The following GRM1 variants were observed in gnomAD, a reference collection of about 807,000 sequenced individuals.
The protein encoded by GRM1 is glutamate metabotropic receptor 1.
Under a neutral mutation model 90.9 loss-of-function variants are expected in GRM1, and 33 were observed. The ratio of observed to expected loss-of-function variants is 0.36; its 90% CI spans 0.28 to 0.49. The LOEUF (loss-of-function observed/expected upper bound fraction) is 0.49. Ranked by LOEUF, GRM1 falls within the 20% of genes least tolerant of loss-of-function variation. GRM1 has a pLI of 0.99. For missense variants in GRM1, 1,190 were observed against 1,534.3 expected (o/e 0.78, Z 3.75); for synonymous variants, 700 against 613.2 (o/e 1.14, Z -2.09).
intron 1 of GRM1, among the ~76,000 whole-genome samples, chr6:146,121,490 G>A (rs1775988252): frequency 6.6e-6 from 1 of 151,970 alleles, no homozygotes; most frequent in African/African-American, 2.4e-5. Flanking sequence ...TTTTGAATGT[G>A]TTTGCTCTTG....
chr6:146,205,530 T>C (rs1779465571), intron 2 of GRM1, among the ~76,000 whole-genome samples: 1 of 152,098 alleles, frequency 6.6e-6, no homozygotes, highest in South Asian at 2.1e-4. Context: ...TGGTGAATTA[T>C]TATGCGGAAA....
At chr6:146,041,907 C>A (rs371197253) in intron 1 of GRM1, among the ~76,000 whole-genome samples, 1 of 151,916 alleles carries the variant, frequency 6.6e-6, no homozygotes, top group African/African-American at 2.4e-5. Context: ...GAGAAACTGG[C>A]ATGTCCAAGA....
At chr6:146,075,397 C>T (rs1399460651) in intron 1 of GRM1, among the ~76,000 whole-genome samples, 1 of 152,164 alleles carries the variant, frequency 6.6e-6, no homozygotes, top group Non-Finnish European at 1.5e-5. Context: ...AGCTGATATT[C>T]TCCTGGAAAA....
At chr6:146,301,324 T>TA (rs1330175985) in intron 2 of GRM1, among the ~76,000 whole-genome samples, 1 of 152,190 alleles carries the variant, frequency 6.6e-6, no homozygotes, top group Non-Finnish European at 1.5e-5. Flanking sequence ...CCATGTGACT[T>TA]AAAATTTCTA....
intron 1 of GRM1, among the ~76,000 whole-genome samples, chr6:146,118,604 G>A (rs538808732): frequency 4.6e-5 from 7 of 152,126 alleles, no homozygotes; most frequent in Non-Finnish European, 8.8e-5. Context: ...CTCCCACCCT[G>A]CAACAGGCCC....
chr6:146,047,960 C>T (rs1260977676), intron 1 of GRM1, among the ~76,000 whole-genome samples: 1 of 152,000 alleles, frequency 6.6e-6, no homozygotes, highest in East Asian at 1.9e-4. Flanking sequence ...AGCAAGATCA[C>T]TCCTTATGTC....
At chr6:146,053,842 T>C (rs928325721) in intron 1 of GRM1, among the ~76,000 whole-genome samples, 1 of 152,060 alleles carries the variant, frequency 6.6e-6, no homozygotes, top group Admixed American at 6.6e-5. Flanking sequence ...ATTATTAGTA[T>C]ATGAATGTGC....
intron 2 of GRM1, among the ~76,000 whole-genome samples, chr6:146,278,948 G>T (rs747205411): frequency 6.6e-6 from 1 of 152,008 alleles, no homozygotes; most frequent in Non-Finnish European, 1.5e-5. Context: ...CTCCTAATCC[G>T]CCCGCCTCGG....
In GRM1 at chr6:146,284,540, G is replaced by A. The variant is rs76191605; in HGVS notation, c.951-20071G>A. Reference sequence around the variant, plus strand: ...GGCTCTGTGTCCCCACCCAAATCTCGCCTGGTATTGTAATCCCCATGTGTT... The same window carrying A: ...GGCTCTGTGTCCCCACCCAAATCTCACCTGGTATTGTAATCCCCATGTGTT... On this transcript the variant is annotated intron_variant, in intron 2 of 7. Coordinates refer to ENST00000282753, the MANE Select transcript of GRM1 (RefSeq NM_001278064.2). Among the ~76,000 whole-genome samples the A allele has an allele frequency of 7.2e-5, 11 of 152,144 alleles. No homozygotes were observed. In the East Asian group the frequency reaches 1.9e-3, roughly 27 times the overall value.
intron 2 of GRM1, among the ~76,000 whole-genome samples, chr6:146,268,179 G>A (rs1043944336): frequency 1.3e-4 from 19 of 151,958 alleles, no homozygotes; most frequent in Non-Finnish European, 2.5e-4. Context: ...CAAGATTTTT[G>A]TTTTTACTTA....
At chr6:146,100,058 A>G (rs1331884974) in intron 1 of GRM1, among the ~76,000 whole-genome samples, 6 of 152,056 alleles carry the variant, frequency 3.9e-5, no homozygotes, top group Non-Finnish European at 5.9e-5. Flanking sequence ...TTTTTTCCCA[A>G]TCTTAAGAGT....
intron 5 of GRM1, among the ~76,000 whole-genome samples, chr6:146,383,583 CA>C (rs1776397058): frequency 6.6e-6 from 1 of 152,042 alleles, no homozygotes. Context: ...ACTCTACTTT[CA>C]AAAGTTATCT....
chr6:146,431,959 T>A (rs763601567), intron 7 of GRM1, among the ~76,000 whole-genome samples: 8 of 152,228 alleles, frequency 5.3e-5, no homozygotes, highest in Non-Finnish European at 1.2e-4. Context: ...GAAGAGCAAC[T>A]GTGGATTCTG....
At chr6:146,331,914 G>C (rs1055684021) in intron 3 of GRM1, among the ~76,000 whole-genome samples, 1 of 152,128 alleles carries the variant, frequency 6.6e-6, no homozygotes, top group Non-Finnish European at 1.5e-5. Context: ...TTGGCCTTCG[G>C]AGTGAAACTA....
intron 5 of GRM1, among the ~76,000 whole-genome samples, chr6:146,362,479 A>C (rs1440937677): frequency 6.6e-6 from 1 of 152,024 alleles, no homozygotes; most frequent in Non-Finnish European, 1.5e-5. Flanking sequence ...GGAGATCGAG[A>C]CAATCCTGGC....
chr6:146,244,027 C>G (rs1200065521), intron 2 of GRM1, among the ~76,000 whole-genome samples: 2 of 152,096 alleles, frequency 1.3e-5, no homozygotes, highest in Non-Finnish European at 2.9e-5. Context: ...GGCAGCCAGA[C>G]CTAATGGTTA....
intron 7 of GRM1, among the ~76,000 whole-genome samples, chr6:146,427,178 G>T (rs141654204): frequency 3.9e-5 from 6 of 152,086 alleles, no homozygotes; most frequent in African/African-American, 1.4e-4. Context: ...AAAGTTTTGT[G>T]AGTCCCACAA....
chr6:146,048,405 A>C (rs1467981134), intron 1 of GRM1, among the ~76,000 whole-genome samples: 1 of 152,118 alleles, frequency 6.6e-6, no homozygotes, highest in Middle Eastern at 3.4e-3. Flanking sequence ...GAGTTAAAGC[A>C]TTTTCCTTTG....
intron 1 of GRM1, among the ~76,000 whole-genome samples, chr6:146,141,541 A>G (rs1776881672): frequency 6.6e-6 from 1 of 152,086 alleles, no homozygotes; most frequent in Non-Finnish European, 1.5e-5. Context: ...TTTTGAGACT[A>G]TATTCTAGAT....
Sources: allele counts gnomAD v4.1 joint callset (sites outside exome capture counted in the v4.1 genomes callset), GRCh38; gene constraint gnomAD v4.1.1; transcripts MANE v1.5; gene names NCBI Gene and HGNC (gene_info 2026-07-23, HGNC 2026-07-21).